Variants in TBL1XR1 observed in about 807,000 individuals in gnomAD.
TBL1XR1 encodes the protein F-box-like/WD repeat-containing protein TBL1XR1.
A neutral mutation model predicts 66.9 loss-of-function variants in TBL1XR1; 5 were observed. The ratio of observed to expected loss-of-function variants is 0.07; its 90% CI spans 0.04 to 0.16. The LOEUF is 0.16. Among genes scored for constraint, TBL1XR1 ranks in the 10% least tolerant of loss-of-function variants. TBL1XR1 has a pLI of 1.00. For synonymous variants in TBL1XR1, 210 were observed against 206.0 expected (o/e 1.02, Z -0.17); for missense variants, 238 against 623.2 (o/e 0.38, Z 6.58).
rs899443003 is a variant in TBL1XR1, at chr3:177,154,773, T to C, written c.-122+42348A>G. Among the ~76,000 whole-genome samples the C allele has an allele frequency of 8.5e-5, 13 of 152,228 alleles. No homozygotes were observed. The East Asian group carries it at 2.5e-3, about 29-fold the overall frequency. ...TCTCTGTAAATAATAAAACTAAAAA[T>C]TAATAACACAGAAGATCTAAACACT... On this transcript the variant is annotated intron_variant, in intron 1 of 15. Coordinates refer to ENST00000457928, the MANE Select transcript of TBL1XR1 (RefSeq NM_024665.7).
intron 1 of TBL1XR1, among the ~76,000 whole-genome samples, chr3:177,122,699 G>A (rs1727122688): frequency 6.6e-6 from 1 of 152,084 alleles, no homozygotes; most frequent in African/African-American, 2.4e-5. Context: ...CAGTTGCAAA[G>A]AGCAACAGGT....
At chr3:177,139,065 T>G (rs1271261060) in intron 1 of TBL1XR1, among the ~76,000 whole-genome samples, 1 of 152,054 alleles carries the variant, frequency 6.6e-6, no homozygotes, top group Non-Finnish European at 1.5e-5. Flanking sequence ...CAAAACCTAA[T>G]AGTATAAAAG....
At chr3:177,162,630 C>T (rs1437959778) in intron 1 of TBL1XR1, among the ~76,000 whole-genome samples, 5 of 152,130 alleles carry the variant, frequency 3.3e-5, no homozygotes, top group Non-Finnish European at 2.9e-5. Flanking sequence ...CTCATCAAAA[C>T]AGTACACTTA....
chr3:177,183,459 CA>C (rs1185408377), intron 1 of TBL1XR1, among the ~76,000 whole-genome samples: 1 of 152,124 alleles, frequency 6.6e-6, no homozygotes, highest in Non-Finnish European at 1.5e-5. Context: ...AAGCAGTTGT[CA>C]GTTGTCAACC....
At chr3:177,042,098 G>T (rs543802976) in intron 10 of TBL1XR1, among the ~76,000 whole-genome samples, 3 of 152,216 alleles carry the variant, frequency 2.0e-5, no homozygotes, top group Middle Eastern at 6.8e-3. Flanking sequence ...TTTCCTCCAT[G>T]GAACCTAATT....
At chr3:177,090,089 C>T (rs897319366) in intron 2 of TBL1XR1, among the ~76,000 whole-genome samples, 6 of 152,140 alleles carry the variant, frequency 3.9e-5, no homozygotes, top group African/African-American at 7.2e-5. Flanking sequence ...CTAAAAACTT[C>T]CACTCTTGAA....
At chr3:177,044,322 T>C (rs1428663647) in intron 10 of TBL1XR1, among the ~76,000 whole-genome samples, 1 of 152,176 alleles carries the variant, frequency 6.6e-6, no homozygotes, top group Non-Finnish European at 1.5e-5. Flanking sequence ...AATCTGCACA[T>C]AGCTTTTGAC....
chr3:177,097,488 C>T lies in TBL1XR1; in HGVS notation c.-46+978G>A, dbSNP rs191464098. Among the ~76,000 whole-genome samples the T allele has an allele frequency of 3.9e-5, 6 of 152,154 alleles. No individual in the cohort carries two copies. The East Asian group carries it at 1.2e-3, about 29-fold the overall frequency. ...CCATCACCTAAGTTTTATAAGAGTA[C>T]TGCCAAAAGTCAAAGATTCATAGTA... On this transcript the variant is annotated intron_variant, in intron 2 of 15. Transcript: ENST00000457928.
chr3:177,027,147 C>T (rs1713253346), intron 14 of TBL1XR1: 1 of 152,184 alleles, frequency 6.6e-6, no homozygotes, highest in Admixed American at 6.5e-5. Flanking sequence ...AAGTGCATGC[C>T]ACCATGCCCA....
rs565007971 is a variant in TBL1XR1, at chr3:177,080,209, A to G, written c.-45-15187T>C. Among the ~76,000 whole-genome samples, 555 of 152,344 alleles carry G rather than the reference A, an allele frequency of 3.6e-3. 3 individuals are homozygous for G. Among genetic ancestry groups the G allele is most frequent in the African/African-American group, 0.013 (528 of 41,590 alleles). On this transcript the variant is annotated intron_variant, in intron 2 of 15. Coordinates refer to ENST00000457928, the MANE Select transcript of TBL1XR1 (RefSeq NM_024665.7). The stretch of plus-strand genomic sequence containing the variant: ...AATTGCTTTCTAACTTTTAACTGCT[A>G]GAAAGGTTTTTAGAATATATCAGCC...
At chr3:177,142,132 T>C (rs1295501609) in intron 1 of TBL1XR1, among the ~76,000 whole-genome samples, 1 of 152,010 alleles carries the variant, frequency 6.6e-6, no homozygotes, top group Non-Finnish European at 1.5e-5. Flanking sequence ...TAGTGCAGGG[T>C]AGACAAGAGA....
intron 2 of TBL1XR1, among the ~76,000 whole-genome samples, chr3:177,092,268 C>G (rs1259083445): frequency 6.6e-6 from 1 of 152,050 alleles, no homozygotes; most frequent in African/African-American, 2.4e-5. Context: ...CCCAACCTCC[C>G]AAAATAATAA....
chr3:177,159,473 A>C (rs1731911762), intron 1 of TBL1XR1, among the ~76,000 whole-genome samples: 1 of 152,226 alleles, frequency 6.6e-6, no homozygotes. Context: ...ATTTATACAC[A>C]TATAAATGAC....
At chr3:177,139,029 C>T (rs529007183) in intron 1 of TBL1XR1, among the ~76,000 whole-genome samples, 3 of 152,160 alleles carry the variant, frequency 2.0e-5, no homozygotes, top group Admixed American at 6.5e-5. Flanking sequence ...ACTAACAATA[C>T]TAACCAAGAT....
chr3:177,093,427 T>G (rs1723075738), intron 2 of TBL1XR1, among the ~76,000 whole-genome samples: 1 of 152,058 alleles, frequency 6.6e-6, no homozygotes, highest in Non-Finnish European at 1.5e-5. Flanking sequence ...TCAGTGCAAT[T>G]CCCATCAAAA....
At chr3:177,081,709 T>C (rs1184917999) in intron 2 of TBL1XR1, among the ~76,000 whole-genome samples, 2 of 145,296 alleles carry the variant, frequency 1.4e-5, no homozygotes, top group Non-Finnish European at 3.0e-5. Context: ...CTGCATGCAC[T>C]CCAGCCTGAC....
At chr3:177,134,883 A>G (rs377147203) in intron 1 of TBL1XR1, among the ~76,000 whole-genome samples, 16 of 152,200 alleles carry the variant, frequency 1.1e-4, no homozygotes, top group African/African-American at 3.9e-4. Flanking sequence ...CAGTAAAAAT[A>G]ATGATGGATA....
intron 1 of TBL1XR1, among the ~76,000 whole-genome samples, chr3:177,196,041 C>G (rs898843418): frequency 2.0e-5 from 3 of 152,062 alleles, no homozygotes; most frequent in African/African-American, 4.8e-5. Flanking sequence ...TTTTTAAAAG[C>G]CACAACCCAA....
At chr3:177,160,811 C>T (rs983776549) in intron 1 of TBL1XR1, 2 of 152,080 alleles carry the variant, frequency 1.3e-5, no homozygotes, top group Admixed American at 6.6e-5. Context: ...GCCTGGCCAA[C>T]ATGGTGACAC....
Sources: gnomAD v4.1 joint callset for allele counts (sites outside exome capture counted in the v4.1 genomes callset) on GRCh38, gnomAD v4.1.1 for gene constraint, MANE v1.5 for transcripts, NCBI Gene and HGNC (gene_info 2026-07-23, HGNC 2026-07-21) for gene names.